The following SORCS3 variants were observed in gnomAD, a reference collection of about 807,000 sequenced individuals.
The protein encoded by SORCS3 is VPS10 domain-containing receptor SorCS3.
In SORCS3, 57 loss-of-function variants were observed where a neutral mutation model predicts 146.3. That is an observed-to-expected ratio of 0.39 (90% CI 0.31 to 0.49). The LOEUF is 0.49. SORCS3 is among the 20% of genes least tolerant of loss of function. The pLI, the probability that SORCS3 is intolerant of heterozygous loss-of-function variation, is 0.92. For synonymous variants in SORCS3, 653 were observed against 618.5 expected (o/e 1.06, Z -0.83); for missense variants, 1,341 against 1,575.5 (o/e 0.85, Z 2.52).
intron 19 of SORCS3, among the ~76,000 whole-genome samples, chr10:105,220,160 A>T (rs1372872319): frequency 6.6e-6 from 1 of 152,070 alleles, no homozygotes; most frequent in African/African-American, 2.4e-5. Flanking sequence ...CTCAGCTCTC[A>T]TCTCTTCTCA....
At chr10:104,837,065 A>ACATTTATCATCTCATC (rs1232191298) in intron 1 of SORCS3, among the ~76,000 whole-genome samples, 1 of 151,988 alleles carries the variant, frequency 6.6e-6, no homozygotes, top group East Asian at 1.9e-4. Flanking sequence ...CCTCTCTCCT[A>ACATTTATCATCTCATC]CATTTATCAT....
chr10:105,048,733 A>C (rs1334654494), intron 5 of SORCS3, among the ~76,000 whole-genome samples: 4 of 151,798 alleles, frequency 2.6e-5, no homozygotes, highest in Non-Finnish European at 5.9e-5. Context: ...CAGACTAAAA[A>C]CCGTTTCAAG....
chr10:105,242,430 A>T (rs375891024), intron 20 of SORCS3, among the ~76,000 whole-genome samples: 2 of 62,366 alleles, frequency 3.2e-5, no homozygotes, highest in African/African-American at 1.2e-4. Context: ...TTATATATTT[A>T]TACATATATT....
chr10:104,899,938 G>T (rs2018833909), intron 2 of SORCS3, among the ~76,000 whole-genome samples: 1 of 152,042 alleles, frequency 6.6e-6, no homozygotes, highest in African/African-American at 2.4e-5. Context: ...GGGCACAAAA[G>T]CCCAGCCCTC....
At chr10:105,226,318 G>A (rs948218698) in intron 20 of SORCS3, among the ~76,000 whole-genome samples, 15 of 151,868 alleles carry the variant, frequency 9.9e-5, no homozygotes, top group African/African-American at 3.6e-4. Context: ...ATGATCATAT[G>A]TTTTTTGTCA....
intron 2 of SORCS3, among the ~76,000 whole-genome samples, chr10:104,898,652 T>C (rs2018822362): frequency 6.6e-6 from 1 of 152,198 alleles, no homozygotes; most frequent in East Asian, 1.9e-4. Context: ...GGAAAGAGGC[T>C]AGTAGTGATA....
chr10:105,209,183 C>T (rs771527767), intron 16 of SORCS3, among the ~76,000 whole-genome samples: 5 of 151,932 alleles, frequency 3.3e-5, no homozygotes, highest in Non-Finnish European at 5.9e-5. Context: ...CTCTTGTTGC[C>T]CAGGCTGGAG....
chr10:104,973,153 T>G (rs892385420), intron 3 of SORCS3, among the ~76,000 whole-genome samples: 2 of 152,150 alleles, frequency 1.3e-5, no homozygotes, highest in Non-Finnish European at 2.9e-5. Context: ...GGTCTAAAAT[T>G]CTCTTTTTTG....
At position 104,922,624 on chromosome 10, in the gene SORCS3, C is replaced by A. The variant is rs536739109; in HGVS notation, c.795+6692C>A. The stretch of plus-strand genomic sequence containing the variant: ...TTGTTAACATCCTTGCTATTATGTT[C>A]TGAGTTTTAAAGATATTTTTCTATA... On this transcript the variant is annotated intron_variant, in intron 3 of 26. Coordinates refer to ENST00000369701, the MANE Select transcript of SORCS3 (RefSeq NM_014978.3). Among the ~76,000 whole-genome samples the A allele has an allele frequency of 1.4e-4, 22 of 152,276 alleles. No homozygotes were observed. In the South Asian group the frequency reaches 2.3e-3, roughly 16 times the overall value.
chr10:104,680,259 T>C (rs1426319584), intron 1 of SORCS3, among the ~76,000 whole-genome samples: 1 of 152,194 alleles, frequency 6.6e-6, no homozygotes, highest in Non-Finnish European at 1.5e-5. Flanking sequence ...CAGAGTTGCA[T>C]AGTAAATACA....
chr10:104,945,686 G>C (rs1453297420), intron 3 of SORCS3, among the ~76,000 whole-genome samples: 1 of 151,300 alleles, frequency 6.6e-6, no homozygotes, highest in African/African-American at 2.4e-5. Context: ...TTAATGCAAG[G>C]TTTACTTTAA....
intron 5 of SORCS3, among the ~76,000 whole-genome samples, chr10:105,079,664 T>C (rs1040796816): frequency 2.0e-5 from 3 of 152,198 alleles, no homozygotes; most frequent in African/African-American, 7.2e-5. Context: ...GATTATTTTG[T>C]CACTCAGATA....
intron 5 of SORCS3, among the ~76,000 whole-genome samples, chr10:105,043,917 G>A (rs186243688): frequency 6.6e-6 from 1 of 152,166 alleles, no homozygotes; most frequent in Admixed American, 6.5e-5. Context: ...GTTGTAACAA[G>A]TTTTGTACAA....
At chr10:104,901,521 C>G (rs1333056109) in intron 2 of SORCS3, among the ~76,000 whole-genome samples, 2 of 152,128 alleles carry the variant, frequency 1.3e-5, no homozygotes, top group Non-Finnish European at 2.9e-5. Context: ...TTAGTAGGGT[C>G]CTTGTCCTCA....
chr10:105,153,649 GTGT>G (rs2056184075), intron 9 of SORCS3, among the ~76,000 whole-genome samples: 1 of 148,084 alleles, frequency 6.8e-6, no homozygotes, highest in South Asian at 2.1e-4. Flanking sequence ...GTGTGTATGT[GTGT>G]GTGTGTGTGT....
intron 7 of SORCS3, among the ~76,000 whole-genome samples, chr10:105,136,722 C>T (rs760861043): frequency 5.9e-5 from 9 of 152,040 alleles, no homozygotes; most frequent in Non-Finnish European, 1.3e-4. Flanking sequence ...TTGGCAAGTA[C>T]GGAGAAGGAC....
intron 13 of SORCS3, 79 bp downstream of exon 13, chr10:105,167,428 T>A: frequency 9.5e-7 from 1 of 1,052,712 alleles, no homozygotes; most frequent in Non-Finnish European, 1.4e-6. Context: ...TTATTCTGCA[T>A]GGTTTTGTAC....
chr10:104,687,810 C>G (rs571891638), intron 1 of SORCS3, among the ~76,000 whole-genome samples: 2 of 152,198 alleles, frequency 1.3e-5, no homozygotes, highest in East Asian at 3.9e-4. Context: ...GCTGTGTGCC[C>G]TAAGTTCTAA....
At chr10:105,222,734 C>A (rs2056711327) in intron 19 of SORCS3, among the ~76,000 whole-genome samples, 1 of 152,168 alleles carries the variant, frequency 6.6e-6, no homozygotes, top group African/African-American at 2.4e-5. Context: ...GCCTTCCATA[C>A]AATACACTGA....
Sources: gnomAD v4.1 joint callset for allele counts (sites outside exome capture counted in the v4.1 genomes callset) on GRCh38, gnomAD v4.1.1 for gene constraint, MANE v1.5 for transcripts, NCBI Gene and HGNC (gene_info 2026-07-23, HGNC 2026-07-21) for gene names.